Variants in SLC5A5 observed in about 807,000 individuals in gnomAD.
SLC5A5 encodes sodium/iodide cotransporter.
SLC5A5 carries 56 observed loss-of-function variants against 68.6 expected under a neutral mutation model. The observed-to-expected ratio is 0.82, with a 90% CI of 0.66 to 1.02. The LOEUF is 1.02. Ranked by LOEUF, SLC5A5 falls within the 50% of genes least tolerant of loss-of-function variation. SLC5A5 has a pLI of 0.00. For missense variants in SLC5A5, 807 were observed against 859.8 expected (o/e 0.94, Z 0.77); for synonymous variants, 398 against 373.0 (o/e 1.07, Z -0.77).
intron 14 of SLC5A5, among the ~76,000 whole-genome samples, chr19:17,892,687 A>AGAGAGAGAGAGAGAGAGAGAGC (rs1568427361): frequency 6.6e-6 from 1 of 150,584 alleles, no homozygotes; most frequent in Non-Finnish European, 1.5e-5. Context: ...AGAGAGAGAG[A>AGAGAGAGAGAGAGAGAGAGAGC]GAGAGAGAGA....
intron 7 of SLC5A5, among the ~76,000 whole-genome samples, chr19:17,879,181 T>A (rs2094314987): frequency 6.6e-6 from 1 of 151,002 alleles, no homozygotes; most frequent in Admixed American, 6.6e-5. Context: ...TAATCCCAGC[T>A]ACTCGGGAGG....
At position 17,888,611 on chromosome 19, in the gene SLC5A5, TATTATTATC is replaced by T. The variant is rs1186480795; in HGVS notation, c.1651+159_1651+167del. Among the ~76,000 whole-genome samples, 251 of 141,274 alleles carry T rather than the reference TATTATTATC, an allele frequency of 1.8e-3. 1 individual carries two copies. Among genetic ancestry groups the T allele is most frequent in the African/African-American group, 6.9e-3 (236 of 34,026 alleles). 92.7% of individuals were successfully genotyped at this position (141,274 alleles called of 152,430 possible). A position where few individuals can be genotyped will look rare whatever the true frequency, so the allele number is the denominator to read the frequency against. On this transcript the variant is annotated intron_variant, in intron 13 of 14. Transcript: ENST00000222248. ...ACCTTATTATTATTATTATTATTAT[TATTATTATC>T]ATCATCATCATCATCATCATCATCA...
intron 7 of SLC5A5, among the ~76,000 whole-genome samples, chr19:17,878,817 A>G (rs1032368500): frequency 2.8e-4 from 43 of 151,876 alleles, no homozygotes; most frequent in African/African-American, 9.4e-4. Context: ...TCCACTAAAA[A>G]TACAAAAATT....
intron 12 of SLC5A5, among the ~76,000 whole-genome samples, chr19:17,887,894 C>T (rs1263038631): frequency 6.6e-6 from 1 of 152,156 alleles, no homozygotes; most frequent in Non-Finnish European, 1.5e-5. Context: ...GTGTGAGCCA[C>T]CACGCCCAGC....
Position 17,872,172 on chromosome 19 carries a change from G to A in SLC5A5, c.-148G>A. The A allele has an allele frequency of 6.3e-6, 4 of 630,880 alleles. No homozygotes were observed. The highest frequency in any genetic ancestry group is 2.7e-6 in the Non-Finnish European group (1 of 365,300). The allele number at this position is 630,880 out of a possible 1,614,324, so 39.1% of individuals were successfully genotyped here. A position where few individuals can be genotyped will look rare whatever the true frequency, so the allele number is the denominator to read the frequency against. ...AACCCAGGGAGCCCCGGCCCCTCTCGCCGCTTCCCACCCCAGACGGAGCGG... is the reference window on the plus strand; with the variant it reads ...AACCCAGGGAGCCCCGGCCCCTCTCACCGCTTCCCACCCCAGACGGAGCGG... On this transcript the variant is annotated 5_prime_UTR_variant, in exon 1 of 15. Transcript: ENST00000222248.
At position 17,888,431 on chromosome 19, in the gene SLC5A5, G is replaced by A. The variant is rs776596656; in HGVS notation, c.1627G>A (p.Gly543Arg). 17 of 1,613,638 alleles carry A rather than the reference G, an allele frequency of 1.1e-5. No homozygotes were observed. The highest frequency in any genetic ancestry group is 2.2e-5 in the South Asian group (2 of 91,060). ...ALGTLTTVLC[G>R]ALISCLTGPT... ...GGGCACGCTGACCACTGTGCTGTGC[G>A]GAGCCCTCATCAGCTGCCTGACAGG... Residue 543 changes from glycine (G) to arginine (R), a missense_variant, in exon 13 of 15, where the codon GGA becomes AGA. Transcript: ENST00000222248.
rs2094297154 is a variant in SLC5A5 at position 17,872,640 on chromosome 19, C to G, written c.321C>G (p.Pro107=). 20 of 1,609,430 alleles carry G rather than the reference C, an allele frequency of 1.2e-5. No individual in the cohort carries two copies. Among genetic ancestry groups the G allele is most frequent in the Non-Finnish European group, 1.6e-5 (19 of 1,178,520 alleles). The change falls in exon 1 of 15, where the codon CCC becomes CCG. Residue 107 remains proline, a synonymous_variant. Coordinates refer to ENST00000222248, the MANE Select transcript of SLC5A5 (RefSeq NM_000453.3). ...TCCTCACCGCCCTGCTCTTCATGCC[C>G]GTCTTCTACCGCCTGGGCCTCACCA... ...NSVLTALLFM[P]VFYRLGLTST...
At position 17,878,010 on chromosome 19, in the gene SLC5A5, G is replaced by C; in HGVS notation, c.886G>C (p.Ala296Pro). 6.2e-7 allele frequency: 1 copy of C among 1,613,346 alleles called. No individual in the cohort carries two copies. The highest frequency in any genetic ancestry group is 8.5e-7 in the Non-Finnish European group (1 of 1,180,002). Residue 296 changes from alanine to proline, a missense_variant, in exon 7 of 15, where the codon GCT becomes CCT. By Grantham distance (27) the Ala-to-Pro change is conservative (BLOSUM62 -1). Coordinates refer to ENST00000222248, the MANE Select transcript of SLC5A5 (RefSeq NM_000453.3). ...CGGCCTGTTCCTGATCGTGTCCAGCGCTGCCTGCTGTGGCATCGTCATGTT... is the reference window on the plus strand; with the variant it reads ...CGGCCTGTTCCTGATCGTGTCCAGCCCTGCCTGCTGTGGCATCGTCATGTT... ...QVGLFLIVSS[A>P]ACCGIVMFVF...
chr19:17,888,445 C>T lies in SLC5A5; in HGVS notation c.1641C>T (p.Ser547=), dbSNP rs763574537. 12 of 1,613,750 alleles carry T rather than the reference C, an allele frequency of 7.4e-6. No individual in the cohort carries two copies. The African/African-American group carries it at 1.5e-4, about 20-fold the overall frequency. ...CTGTGCTGTGCGGAGCCCTCATCAG[C>T]TGCCTGACAGGTAGGTAAACAGAGC... ...LTTVLCGALI[S]CLTGPTKRST... Residue 547 remains serine (S), a synonymous_variant, in exon 13 of 15, where the codon AGC becomes AGT. Transcript: ENST00000222248.
intron 7 of SLC5A5, 107 bp from the exon 8 acceptor site, chr19:17,880,758 T>C: frequency 1.2e-6 from 1 of 815,838 alleles, no homozygotes; most frequent in South Asian, 1.3e-5. Flanking sequence ...ATGCCGACTC[T>C]GAGCCCTGTC....
chr19:17,883,531 G>T, intron 10 of SLC5A5, 150 bp from the exon 11 acceptor site: 1 of 730,814 alleles, frequency 1.4e-6, no homozygotes, highest in Non-Finnish European at 2.5e-6. Context: ...AAGGGGGGGG[G>T]GTCCTCTCCC....
chr19:17,879,840 A>G (rs571649610), intron 7 of SLC5A5, among the ~76,000 whole-genome samples: 28 of 152,276 alleles, frequency 1.8e-4, no homozygotes, highest in African/African-American at 6.5e-4. Flanking sequence ...TCTCAGGTTC[A>G]TGCAGTTGAT....
intron 13 of SLC5A5, among the ~76,000 whole-genome samples, chr19:17,888,844 C>T (rs2147752042): frequency 6.6e-6 from 1 of 151,356 alleles, no homozygotes; most frequent in Non-Finnish European, 1.5e-5. Flanking sequence ...GTGTCTCGAA[C>T]TCCTGGGCTC....
Position 17,883,928 on chromosome 19 carries a change from G to T in SLC5A5, c.1408G>T (p.Glu470Ter). The T allele has an allele frequency of 5.1e-6, 8 of 1,564,196 alleles. No homozygotes were observed. The highest frequency in any genetic ancestry group is 6.9e-6 in the Non-Finnish European group (8 of 1,155,914). The stretch of plus-strand genomic sequence containing the variant: ...GGGCGCCACGCTGTACCCACCCAGC[G>T]AGCAGACCATGAGGGTCCTGCCATC... The part of the protein sequence containing the change: ...ALGATLYPPS[E>*]QTMRVLPSSA... Residue 470 changes from glutamate to a stop codon, truncating the protein, a stop_gained, in exon 12 of 15, where the codon GAG becomes TAG. Transcript: ENST00000222248. LOFTEE classifies it high-confidence loss of function.
intron 1 of SLC5A5, 111 bp downstream of exon 1, chr19:17,872,787 C>A: frequency 1.3e-6 from 1 of 743,558 alleles, no homozygotes; most frequent in South Asian, 1.5e-5. Flanking sequence ...CGGATGGCAC[C>A]TCGGTGCTTT....
chr19:17,885,220 A>C (rs891851352), intron 12 of SLC5A5, among the ~76,000 whole-genome samples: 6 of 152,036 alleles, frequency 3.9e-5, no homozygotes, highest in African/African-American at 1.4e-4. Context: ...TATGTTGCCC[A>C]GGCTGGTCTG....
intron 12 of SLC5A5, among the ~76,000 whole-genome samples, chr19:17,884,688 G>A (rs2076949763): frequency 6.6e-6 from 1 of 151,684 alleles, no homozygotes; most frequent in African/African-American, 2.4e-5. Context: ...CAGGAGAATC[G>A]CTTGAACCCA....
At chr19:17,873,077 G>T (rs2147726797) in intron 1 of SLC5A5, among the ~76,000 whole-genome samples, 1 of 152,340 alleles carries the variant, frequency 6.6e-6, no homozygotes, top group East Asian at 1.9e-4. Flanking sequence ...TGTATCTTGG[G>T]CAAGGGGCGT....
intron 13 of SLC5A5, among the ~76,000 whole-genome samples, chr19:17,889,948 A>G (rs937404107): frequency 8.5e-5 from 13 of 152,232 alleles, no homozygotes; most frequent in African/African-American, 1.9e-4. Context: ...CTCAGACTTC[A>G]CAGTCATCAG....
Sources: gnomAD v4.1 joint callset for allele counts (sites outside exome capture counted in the v4.1 genomes callset) on GRCh38, gnomAD v4.1.1 for gene constraint, MANE v1.5 for transcripts, NCBI Gene and HGNC (gene_info 2026-07-23, HGNC 2026-07-21) for gene names.